The following PRKAR1B variants were observed in gnomAD, a reference collection of about 807,000 sequenced individuals.
PRKAR1B encodes the protein protein kinase cAMP-dependent type I regulatory subunit beta, also known as cAMP-dependent protein kinase type I-beta regulatory subunit.
In PRKAR1B, 22 loss-of-function variants were observed where a neutral mutation model predicts 46.5. The observed-to-expected ratio is 0.47, with a 90% CI of 0.34 to 0.68. The LOEUF is 0.68. Ranked by LOEUF, PRKAR1B falls within the 30% of genes least tolerant of loss-of-function variation. The pLI, the probability that PRKAR1B is intolerant of heterozygous loss-of-function variation, is 0.01. For missense variants in PRKAR1B, 445 were observed against 535.6 expected, an observed-to-expected ratio of 0.83 and a Z score of 1.67; for synonymous variants, 259 against 217.7, an observed-to-expected ratio of 1.19 and a Z score of -1.67.
At chr7:655,262 C>T (rs879289414) in intron 4 of PRKAR1B, among the ~76,000 whole-genome samples, 1 of 152,312 alleles carries the variant, frequency 6.6e-6, no homozygotes. Context: ...CAAGATCTGG[C>T]GCCTCTTCCT....
intron 2 of PRKAR1B, among the ~76,000 whole-genome samples, chr7:702,074 TG>T (rs1780092602): frequency 6.6e-6 from 1 of 152,192 alleles, no homozygotes; most frequent in South Asian, 2.1e-4. Flanking sequence ...TGTGTAAAGA[TG>T]ATACGTACAA....
In PRKAR1B at chr7:644,756, C is replaced by T. The variant is rs1447249190; in HGVS notation, c.440+32473G>A. Among the ~76,000 whole-genome samples the T allele has an allele frequency of 2.6e-5, 4 of 152,168 alleles. No homozygotes were observed. Among genetic ancestry groups the T allele is most frequent in the Admixed American group, 1.3e-4 (2 of 15,268 alleles). ...AGCTCTCCCTCCCAGAGGGCAGGCA[C>T]CAGGGCCAGACCCTTCCCCCAGACA... is the stretch of plus-strand genomic sequence containing the variant. On this transcript the variant is annotated intron_variant, in intron 4 of 10. Coordinates refer to ENST00000537384, the MANE Select transcript of PRKAR1B (RefSeq NM_001164760.2). The surrounding 1 kb of genome is among the most constrained non-coding windows in gnomAD (Gnocchi z 4.9).
intron 6 of PRKAR1B, among the ~76,000 whole-genome samples, chr7:599,022 G>A (rs1016024632): frequency 5.3e-5 from 8 of 152,234 alleles, no homozygotes; most frequent in South Asian, 2.1e-4. Flanking sequence ...GGCTGCTGCC[G>A]CTGCAGGCAG....
At chr7:609,166 G>A (rs1431067047) in intron 4 of PRKAR1B, among the ~76,000 whole-genome samples, 2 of 152,126 alleles carry the variant, frequency 1.3e-5, no homozygotes, top group African/African-American at 4.8e-5. Flanking sequence ...GGCCCCGGTG[G>A]GGACATTTCC....
chr7:595,579 C>A (rs1344166130), intron 7 of PRKAR1B, among the ~76,000 whole-genome samples: 2 of 152,188 alleles, frequency 1.3e-5, no homozygotes, highest in Non-Finnish European at 2.9e-5. Flanking sequence ...CCTCCAGGAG[C>A]CCCTACAAAC....
At chr7:574,970 C>T (rs1779734317) in intron 9 of PRKAR1B, among the ~76,000 whole-genome samples, 1 of 152,210 alleles carries the variant, frequency 6.6e-6, no homozygotes, top group Non-Finnish European at 1.5e-5. Context: ...GCCGGGAGAG[C>T]CACCGCCATT....
At chr7:655,033 G>T (rs1033198906) in intron 4 of PRKAR1B, among the ~76,000 whole-genome samples, 35 of 152,156 alleles carry the variant, frequency 2.3e-4, no homozygotes, top group Non-Finnish European at 2.2e-4. Context: ...CAGTGGTACT[G>T]CCCTGATCCC....
chr7:695,027 T>C (rs1779651347), intron 2 of PRKAR1B, among the ~76,000 whole-genome samples: 1 of 134,860 alleles, frequency 7.4e-6, no homozygotes, highest in African/African-American at 3.3e-5. Flanking sequence ...CAAGACTCCG[T>C]CTCAAAAAAA....
At chr7:700,664 A>AT (rs541523214) in intron 2 of PRKAR1B, among the ~76,000 whole-genome samples, 102 of 152,164 alleles carry the variant, frequency 6.7e-4, no homozygotes, top group African/African-American at 2.4e-3. Flanking sequence ...AATCAAATTT[A>AT]TTTAAAAAAA....
intron 4 of PRKAR1B, among the ~76,000 whole-genome samples, chr7:626,834 T>G (rs985457247): frequency 1.3e-5 from 2 of 151,994 alleles, no homozygotes; most frequent in Non-Finnish European, 2.9e-5. Context: ...CCTCAGCCTC[T>G]CAAGTAGCTG....
rs533215313 is a variant in PRKAR1B at position 651,145 on chromosome 7, T to C, written c.440+26084A>G. Among the ~76,000 whole-genome samples, 37 of 152,266 alleles carry C rather than the reference T, an allele frequency of 2.4e-4. No homozygotes were observed. In the South Asian group the frequency reaches 7.5e-3, roughly 31 times the overall value. The stretch of plus-strand genomic sequence containing the variant: ...CAGGTGCCAAATCTACTCTGCCCTG[T>C]CTCTGCCTCCTACAGGCACCCAGAC... On this transcript the variant is annotated intron_variant, in intron 4 of 10. Coordinates refer to ENST00000537384, the MANE Select transcript of PRKAR1B (RefSeq NM_001164760.2).
At chr7:665,939 C>G (rs1785895189) in intron 4 of PRKAR1B, among the ~76,000 whole-genome samples, 2 of 152,208 alleles carry the variant, frequency 1.3e-5, no homozygotes, top group Non-Finnish European at 1.5e-5. Flanking sequence ...CTGCTCAAGC[C>G]AGAGGCCTGT....
chr7:726,715 G>C, intron 1 of PRKAR1B: 2 of 1,239,396 alleles, frequency 1.6e-6, no homozygotes, highest in Non-Finnish European at 2.0e-6. Context: ...CGGCGACGCG[G>C]GCAAGATGGC....
intron 8 of PRKAR1B, among the ~76,000 whole-genome samples, chr7:583,950 T>C (rs577826640): frequency 2.5e-4 from 38 of 152,316 alleles, no homozygotes; most frequent in Non-Finnish European, 4.6e-4. Flanking sequence ...GCGTCTTTCC[T>C]GCCAGGCCGT....
intron 7 of PRKAR1B, among the ~76,000 whole-genome samples, chr7:588,708 G>A (rs1780774953): frequency 7.2e-6 from 1 of 138,328 alleles, no homozygotes; most frequent in African/African-American, 2.8e-5. Flanking sequence ...GATGGTGATG[G>A]TGATGGTGGT....
At chr7:599,007 T>A (rs1186331245) in intron 6 of PRKAR1B, among the ~76,000 whole-genome samples, 1 of 152,200 alleles carries the variant, frequency 6.6e-6, no homozygotes, top group Non-Finnish European at 1.5e-5. Context: ...AAAGCGGGGA[T>A]CCGTGGCTGC....
At chr7:618,277 C>T (rs1186440159) in intron 4 of PRKAR1B, among the ~76,000 whole-genome samples, 2 of 152,220 alleles carry the variant, frequency 1.3e-5, no homozygotes, top group Non-Finnish European at 2.9e-5. Flanking sequence ...ACCTGTGTTT[C>T]GTGGGACATC....
intron 5 of PRKAR1B, 104 bp from the exon 6 acceptor site, chr7:606,343 A>T: frequency 1.1e-6 from 1 of 949,950 alleles, no homozygotes. Context: ...GAGACCCTCG[A>T]AGCAACATCC....
Position 722,015 on chromosome 7 carries a change from G to A in PRKAR1B, c.-23+5195C>T, listed in dbSNP as rs545986638. 1.5e-4 allele frequency among the ~76,000 whole-genome samples: 23 copies of A among 152,068 alleles called. No homozygotes were observed. The South Asian group carries it at 4.8e-3, about 32-fold the overall frequency. On this transcript the variant is annotated intron_variant, in intron 1 of 10. Coordinates refer to ENST00000537384, the MANE Select transcript of PRKAR1B (RefSeq NM_001164760.2). The stretch of plus-strand genomic sequence containing the variant: ...GATGTGTCTTAGTATGGGGTTTTTG[G>A]AGGGCTTGTCCTATGAAGCCTTGTT...
Sources: allele counts gnomAD v4.1 joint callset (sites outside exome capture counted in the v4.1 genomes callset), GRCh38; gene constraint gnomAD v4.1.1; non-coding constraint Gnocchi (gnomAD v3.1); transcripts MANE v1.5; gene names NCBI Gene and HGNC (gene_info 2026-07-23, HGNC 2026-07-21).